USP29: variants seen among roughly 807,000 people sequenced by gnomAD.
USP29 encodes ubiquitin carboxyl-terminal hydrolase 29.
For synonymous variants in USP29, 386 were observed against 387.4 expected, an observed-to-expected ratio of 1.00 and a Z score of 0.04; for missense variants, 1,102 against 1,069.0, an observed-to-expected ratio of 1.03 and a Z score of -0.43.
chr19:57,128,912 C>A lies in USP29; in HGVS notation c.237C>A (p.Asn79Lys). Residue 79 changes from asparagine to lysine, a missense_variant, in exon 4 of 4, where the codon AAC becomes AAA. Coordinates refer to ENST00000254181, the MANE Select transcript of USP29 (RefSeq NM_020903.3). ...ACCTGCGTTTAACTTTGAAAAACAA[C>A]GTGTTCTTGTTTATTGACAAATTAT... ...QSHLRLTLKN[N>K]VFLFIDKLSY... 6.2e-7 allele frequency: 1 copy of A among 1,613,752 alleles called. No homozygotes were observed. Among genetic ancestry groups the A allele is most frequent in the Non-Finnish European group, 8.5e-7 (1 of 1,179,904 alleles).
Position 57,129,466 on chromosome 19 carries a change from A to T in USP29, c.791A>T (p.Gln264Leu). Residue 264 changes from glutamine to leucine, a missense_variant, in exon 4 of 4, where the codon CAG becomes CTG. Physicochemically the swap from Gln to Leu is moderately radical, Grantham distance 113. Coordinates refer to ENST00000254181, the MANE Select transcript of USP29 (RefSeq NM_020903.3). ...TCTCCATTGGAACCAGAGCACAGCC[A>T]GGGTGACCCAAGATGCAACAAAGCC... ...LTSPLEPEHS[Q>L]GDPRCNKAQV... 2 of 1,614,242 alleles carry T rather than the reference A, an allele frequency of 1.2e-6. No individual in the cohort carries two copies. Among genetic ancestry groups the T allele is most frequent in the African/African-American group, 2.7e-5 (2 of 75,070 alleles).
intron 2 of USP29, among the ~76,000 whole-genome samples, chr19:57,122,936 CT>C (rs1389823489): frequency 1.3e-5 from 2 of 152,108 alleles, no homozygotes; most frequent in African/African-American, 2.4e-5. Flanking sequence ...AATGGAGGGG[CT>C]TTTCTTCACA....
Position 57,129,904 on chromosome 19 carries a change from T to C in USP29, c.1229T>C (p.Met410Thr). ...ECGDENSSPQMHVGSAATKVF... is the reference protein window; with the variant it reads ...ECGDENSSPQTHVGSAATKVF... ...GGGGATGAAAATTCATCTCCACAAATGCATGTTGGTAGTGCTGCCACCAAA... is the reference window on the plus strand; with the variant it reads ...GGGGATGAAAATTCATCTCCACAAACGCATGTTGGTAGTGCTGCCACCAAA... Residue 410 changes from methionine (M) to threonine (T), a missense_variant, in exon 4 of 4, where the codon ATG becomes ACG. Physicochemically the swap from Met to Thr is moderately conservative, Grantham distance 81 (BLOSUM62 -1). Transcript: ENST00000254181. The C allele has an allele frequency of 6.2e-7, 1 of 1,614,208 alleles. No homozygotes were observed. The highest frequency in any genetic ancestry group is 8.5e-7 in the Non-Finnish European group (1 of 1,180,040).
chr19:57,126,739 A>G (rs1190474343), intron 3 of USP29, among the ~76,000 whole-genome samples: 2 of 151,998 alleles, frequency 1.3e-5, no homozygotes, highest in African/African-American at 4.8e-5. Flanking sequence ...GTTATTACCC[A>G]CCTTCTGAAG....
intron 2 of USP29, 44 bp downstream of exon 2, chr19:57,122,518 T>A (rs921213744): frequency 2.6e-5 from 3 of 116,132 alleles, no homozygotes; most frequent in African/African-American, 1.3e-4. Context: ...ATGGGATGTG[T>A]GTGTGTGTGT....
chr19:57,128,723 G>A lies in USP29; in HGVS notation c.48G>A (p.Lys16=), dbSNP rs1239813824. 5 of 1,608,590 alleles carry A rather than the reference G, an allele frequency of 3.1e-6. No individual in the cohort carries two copies. The highest frequency in any genetic ancestry group is 4.2e-6 in the Non-Finnish European group (5 of 1,178,546). The part of the protein sequence containing the change: ...VCGFIQIWSQ[K]TGMTKLKEAL... ...GATTCATCCAAATTTGGAGCCAGAAGACTGGGATGACTAAGCTGAAAGAAG... is the reference window on the plus strand; with the variant it reads ...GATTCATCCAAATTTGGAGCCAGAAAACTGGGATGACTAAGCTGAAAGAAG... The change falls in exon 4 of 4, where the codon AAG becomes AAA. Residue 16 remains lysine (K), a synonymous_variant. Coordinates refer to ENST00000254181, the MANE Select transcript of USP29 (RefSeq NM_020903.3).
Position 57,128,921 on chromosome 19 carries a change from G to T in USP29, c.246G>T (p.Leu82Phe). 6 of 1,613,880 alleles carry T rather than the reference G, an allele frequency of 3.7e-6. No homozygotes were observed. Among genetic ancestry groups the T allele is most frequent in the South Asian group, 1.1e-5 (1 of 90,998 alleles). The stretch of plus-strand genomic sequence containing the variant: ...TAACTTTGAAAAACAACGTGTTCTT[G>T]TTTATTGACAAATTATCCTACAGAG... ...LRLTLKNNVF[L>F]FIDKLSYRDA... is the part of the protein sequence containing the mutation. Residue 82 changes from leucine to phenylalanine, a missense_variant, in exon 4 of 4, where the codon TTG becomes TTT. Coordinates refer to ENST00000254181, the MANE Select transcript of USP29 (RefSeq NM_020903.3).
In USP29 at chr19:57,131,770, C is replaced by A; in HGVS notation, c.*326C>A. On this transcript the variant is annotated 3_prime_UTR_variant, in exon 4 of 4. Coordinates refer to ENST00000254181, the MANE Select transcript of USP29 (RefSeq NM_020903.3). Reference sequence around the variant, plus strand: ...GCAAATTCTTGGGTCACTCTCTAGACCAACTGATGCAGAAACAGGAGGTGT... The same window carrying A: ...GCAAATTCTTGGGTCACTCTCTAGAACAACTGATGCAGAAACAGGAGGTGT... The A allele has an allele frequency of 3.8e-6, 1 of 260,762 alleles. No homozygotes were observed. 16.2% of individuals were successfully genotyped at this position (260,762 alleles called of 1,614,324 possible).
chr19:57,120,788 C>CAAAAGAAA (rs2086790696), intron 1 of USP29, among the ~76,000 whole-genome samples: 1 of 31,146 alleles, frequency 3.2e-5, no homozygotes, highest in Admixed American at 6.8e-4. Flanking sequence ...GACTCCGTCT[C>CAAAAGAAA]AAAAAAAAAA....
chr19:57,120,788 C>CAAAAAAAAAAAAA (rs71293954), intron 1 of USP29, among the ~76,000 whole-genome samples: 9 of 31,142 alleles, frequency 2.9e-4, no homozygotes, highest in Non-Finnish European at 3.5e-4. Flanking sequence ...GACTCCGTCT[C>CAAAAAAAAAAAAA]AAAAAAAAAA....
chr19:57,130,041 A>G lies in USP29; in HGVS notation c.1366A>G (p.Ile456Val), dbSNP rs1484197506. The G allele has an allele frequency of 1.2e-6, 2 of 1,614,028 alleles. No individual in the cohort carries two copies. The highest frequency in any genetic ancestry group is 1.3e-5 in the African/African-American group (1 of 75,044). Residue 456 changes from isoleucine (I) to valine (V), a missense_variant, in exon 4 of 4, where the codon ATC (isoleucine) becomes GTC (valine). Ile to Val is a conservative substitution (Grantham distance 29). Coordinates refer to ENST00000254181, the MANE Select transcript of USP29 (RefSeq NM_020903.3). ...LKVEPNNYLS[I>V]NLHQETKPLP... ...GGTAGAACCTAATAATTATCTCTCC[A>G]TCAACCTGCACCAAGAAACAAAACC...
chr19:57,127,912 T>A (rs2086832087), intron 3 of USP29, among the ~76,000 whole-genome samples: 1 of 152,156 alleles, frequency 6.6e-6, no homozygotes. Context: ...CCTGGTGGTG[T>A]AGGCACACAA....
chr19:57,123,337 G>A (rs756357450), intron 2 of USP29, among the ~76,000 whole-genome samples: 1 of 152,142 alleles, frequency 6.6e-6, no homozygotes, highest in Non-Finnish European at 1.5e-5. Flanking sequence ...TCCCATGATG[G>A]AGCCTTAATT....
In USP29 at chr19:57,129,767, AT is replaced by A. The variant is rs1429155881; in HGVS notation, c.1096del (p.Ser366LeufsTer12). 1 of 1,614,136 alleles carries A rather than the reference AT, an allele frequency of 6.2e-7. No individual in the cohort carries two copies. Among genetic ancestry groups the A allele is most frequent in the South Asian group, 1.1e-5 (1 of 91,070 alleles). Reference sequence around the variant, plus strand: ...AAGTCATTTCAGCAGTTGCAGAAATATTTTCTGGCAACATGCAGAATGATGC... The same window carrying A: ...AAGTCATTTCAGCAGTTGCAGAAATATTTCTGGCAACATGCAGAATGATGC... ...KKVISAVAEI[F>X]SGNMQNDAHE... On this transcript the variant is annotated frameshift_variant, in exon 4 of 4. Transcript: ENST00000254181. LOFTEE classifies it low-confidence loss of function (END_TRUNC).
rs113001620 is a variant in USP29, at chr19:57,124,342, G to GTTT, written c.-17+214_-17+216dup. ...TGTTTTGAGATGTCTTTCCCTTCATGTTTTTTTTTTTTTCACTCTTCATAT... is the reference window on the plus strand; with the variant it reads ...TGTTTTGAGATGTCTTTCCCTTCATGTTTTTTTTTTTTTTTTCACTCTTCATAT... On this transcript the variant is annotated intron_variant, in intron 3 of 3. Transcript: ENST00000254181. Among the ~76,000 whole-genome samples the GTTT allele has an allele frequency of 9.7e-4, 135 of 139,874 alleles. 1 individual carries two copies. Among genetic ancestry groups the GTTT allele is most frequent in the East Asian group, 3.8e-3 (18 of 4,788 alleles). The allele number at this position is 139,874 out of a possible 152,430, so 91.8% of individuals were successfully genotyped here.
chr19:57,130,301 T>C lies in USP29; in HGVS notation c.1626T>C (p.Asn542=), dbSNP rs111778303. 459 of 1,614,116 alleles carry C rather than the reference T, an allele frequency of 2.8e-4. 10 individuals are homozygous for C. The South Asian group carries it at 3.5e-3, about 12-fold the overall frequency. ...CTTTAAGTTTATCTTCTTATTGCAATGAAAGCACCAAACCACCTCTTCCCT... is the reference window on the plus strand; with the variant it reads ...CTTTAAGTTTATCTTCTTATTGCAACGAAAGCACCAAACCACCTCTTCCCT... ...PKSLSLSSYC[N]ESTKPPLPLS... is the part of the protein sequence containing the mutation. The change falls in exon 4 of 4, where the codon AAT becomes AAC. Residue 542 remains asparagine (N), a synonymous_variant. Coordinates refer to ENST00000254181, the MANE Select transcript of USP29 (RefSeq NM_020903.3).
chr19:57,128,727 G>A lies in USP29; in HGVS notation c.52G>A (p.Gly18Arg). The change falls in exon 4 of 4, where the codon GGG (glycine) becomes AGG (arginine). Residue 18 changes from glycine to arginine, a missense_variant. Physicochemically the swap from Gly to Arg is moderately radical, Grantham distance 125. Coordinates refer to ENST00000254181, the MANE Select transcript of USP29 (RefSeq NM_020903.3). ...CATCCAAATTTGGAGCCAGAAGACT[G>A]GGATGACTAAGCTGAAAGAAGCTCT... Reference protein sequence around the residue: ...GFIQIWSQKTGMTKLKEALIE... With the variant: ...GFIQIWSQKTRMTKLKEALIE... 1 of 1,610,160 alleles carries A rather than the reference G, an allele frequency of 6.2e-7. No homozygotes were observed. Among genetic ancestry groups the A allele is most frequent in the South Asian group, 1.1e-5 (1 of 89,782 alleles).
intron 3 of USP29, among the ~76,000 whole-genome samples, chr19:57,126,225 A>T (rs1414343199): frequency 6.6e-6 from 1 of 151,822 alleles, no homozygotes; most frequent in Non-Finnish European, 1.5e-5. Context: ...GAATCTGACG[A>T]TTATGTGTCT....
At chr19:57,126,603 T>C (rs1334671826) in intron 3 of USP29, among the ~76,000 whole-genome samples, 3 of 152,032 alleles carry the variant, frequency 2.0e-5, no homozygotes, top group African/African-American at 4.8e-5. Flanking sequence ...GTTTTTCAGC[T>C]CCATCAGGTC....
Sources: allele counts gnomAD v4.1 joint callset (sites outside exome capture counted in the v4.1 genomes callset), GRCh38; gene constraint gnomAD v4.1.1; transcripts MANE v1.5; gene names NCBI Gene and HGNC (gene_info 2026-07-23, HGNC 2026-07-21).